The following EPHB3 variants were observed in gnomAD, a reference collection of about 807,000 sequenced individuals.
EPHB3 encodes the protein EPH receptor B3, also known as ephrin type-B receptor 3.
In EPHB3, 33 loss-of-function variants were observed where a neutral mutation model predicts 100.2. The ratio of observed to expected loss-of-function variants is 0.33; its 90% CI spans 0.25 to 0.44. The LOEUF (loss-of-function observed/expected upper bound fraction) is 0.44, where lower values mean the gene tolerates loss of function less well. Ranked by LOEUF, EPHB3 falls within the 20% of genes least tolerant of loss-of-function variation. The pLI, the probability that EPHB3 is intolerant of heterozygous loss-of-function variation, is 1.00. For missense variants in EPHB3, 1,045 were observed against 1,378.3 expected (o/e 0.76, Z 3.83); for synonymous variants, 526 against 554.7 (o/e 0.95, Z 0.73).
At position 184,578,875 on chromosome 3, in the gene EPHB3, G is replaced by A. The variant is rs546058836; in HGVS notation, c.1801+409G>A. Among the ~76,000 whole-genome samples, 4 of 152,284 alleles carry A rather than the reference G, an allele frequency of 2.6e-5. No individual in the cohort carries two copies. In the South Asian group the frequency reaches 8.3e-4, roughly 32 times the overall value. ...GGATGAGCAGGGTGTTGGGAGGTGA[G>A]GGAGAGCATTCCTGGCCAGAGGAGC... On this transcript the variant is annotated intron_variant, in intron 9 of 15. Transcript: ENST00000330394. This position sits in a 1 kb window ranked among gnomAD's most constrained non-coding sequence, Gnocchi z 4.7.
rs1423123706 is a variant in EPHB3, at chr3:184,577,216, G to A, written c.1354+33G>A. 49 of 1,574,982 alleles carry A rather than the reference G, an allele frequency of 3.1e-5. No homozygotes were observed. Among genetic ancestry groups the A allele is most frequent in the Non-Finnish European group, 4.1e-5 (47 of 1,157,616 alleles). On this transcript the variant is annotated intron_variant, in intron 5 of 15. Transcript: ENST00000330394. The surrounding 1 kb of genome is among the most constrained non-coding windows in gnomAD (Gnocchi z 4.9). Reference sequence around the variant, plus strand: ...GGGGACACTGGAGGGTAGGGCCTGGGTCACTTTCTCCTGGATGAGGTGTCC... The same window carrying A: ...GGGGACACTGGAGGGTAGGGCCTGGATCACTTTCTCCTGGATGAGGTGTCC...
intron 3 of EPHB3, 108 bp from the exon 4 acceptor site, chr3:184,575,722 G>A (rs2108438173): frequency 7.4e-7 from 1 of 1,360,240 alleles, no homozygotes; most frequent in Non-Finnish European, 9.8e-7. Context: ...CTAGGAGGTG[G>A]AGGGGCCAGA....
Position 184,573,406 on chromosome 3 carries a change from T to A in EPHB3, c.856+230T>A, listed in dbSNP as rs926795612. Among the ~76,000 whole-genome samples, 1 of 151,868 alleles carries A rather than the reference T, an allele frequency of 6.6e-6. No homozygotes were observed. The highest frequency in any genetic ancestry group is 2.4e-5 in the African/African-American group (1 of 41,336). On this transcript the variant is annotated intron_variant, in intron 3 of 15. Coordinates refer to ENST00000330394, the MANE Select transcript of EPHB3 (RefSeq NM_004443.4). This position sits in a 1 kb window ranked among gnomAD's most constrained non-coding sequence, Gnocchi z 4.5. ...AAGGATAGTAAGAGAAAAAATGACA[T>A]TAAAGAGAGAGGAAGAGAAGCATGC...
chr3:184,574,759 C>T (rs1030436476), intron 3 of EPHB3, among the ~76,000 whole-genome samples: 8 of 152,176 alleles, frequency 5.3e-5, no homozygotes, highest in South Asian at 2.1e-4. Context: ...AGCCTGACAG[C>T]CTGAAGAGGG....
In EPHB3 at chr3:184,570,000, G is replaced by GT. The variant is rs1714501140; in HGVS notation, c.119-1317dup. Among the ~76,000 whole-genome samples, 1 of 152,246 alleles carries GT rather than the reference G, an allele frequency of 6.6e-6. No individual in the cohort carries two copies. Among genetic ancestry groups the GT allele is most frequent in the Admixed American group, 6.5e-5 (1 of 15,290 alleles). On this transcript the variant is annotated intron_variant, in intron 1 of 15. Transcript: ENST00000330394. This position sits in a 1 kb window ranked among gnomAD's most constrained non-coding sequence, Gnocchi z 5.4. ...TGGGGGTCACACTGTCTTTCAGAGA[G>GT]TAGGGACATCCAGCCAGAGCGCAGA...
At position 184,577,605 on chromosome 3, in the gene EPHB3, C is replaced by T; in HGVS notation, c.1480-53C>T. On this transcript the variant is annotated intron_variant, in intron 6 of 15. Coordinates refer to ENST00000330394, the MANE Select transcript of EPHB3 (RefSeq NM_004443.4). The surrounding 1 kb of genome is among the most constrained non-coding windows in gnomAD (Gnocchi z 4.9). ...TGGCAGGCCTGGGTGTGAATAGGGG[C>T]TGGTTGGCCTCAGGACCCACCTGAG... is the stretch of plus-strand genomic sequence containing the variant. 1 of 1,569,928 alleles carries T rather than the reference C, an allele frequency of 6.4e-7. No individual in the cohort carries two copies.
In EPHB3 at chr3:184,577,379, G is replaced by T. The variant is rs1489826786; in HGVS notation, c.1391G>T (p.Ser464Ile). The T allele has an allele frequency of 1.2e-6, 2 of 1,613,738 alleles. No individual in the cohort carries two copies. Among genetic ancestry groups the T allele is most frequent in the Admixed American group, 1.7e-5 (1 of 60,008 alleles). ...GTGCCCACACTACGCCTGCACAGCA[G>T]CTCAGGCAGCAGCCTCACCCTATCC... ...SEVPTLRLHS[S>I]SGSSLTLSWA... Residue 464 changes from serine (S) to isoleucine (I), a missense_variant, in exon 6 of 16, where the codon AGC (serine) becomes ATC (isoleucine). Around this residue, in one of 2 missense-constraint regions of EPHB3, gnomAD observed 985 missense variants for 1,331.1 expected, o/e 0.74. Transcript: ENST00000330394. The surrounding 1 kb of genome is among the most constrained non-coding windows in gnomAD (Gnocchi z 4.9).
chr3:184,579,524 CCTA>C lies in EPHB3; in HGVS notation c.1850_1852del (p.Pro617_Asn618delinsHis). 6.2e-7 allele frequency: 1 copy of C among 1,613,994 alleles called. No individual in the cohort carries two copies. Among genetic ancestry groups the C allele is most frequent in the Non-Finnish European group, 8.5e-7 (1 of 1,179,988 alleles). On this transcript the variant is annotated inframe_deletion, in exon 10 of 16. Transcript: ENST00000330394. This position sits in a 1 kb window ranked among gnomAD's most constrained non-coding sequence, Gnocchi z 5.2. ...TATTGACCCTTTTACCTACGAGGAC[CCTA>C]ATGAGGCTGTTCGGGAGTTTGCCAA...
Position 184,577,038 on chromosome 3 carries a change from G to A in EPHB3, c.1209G>A (p.Leu403=), listed in dbSNP as rs748176396. ...ACGTGGAGTTTGTGCCTCGGCAGCT[G>A]GGCCTGACGGAGCGCCGGGTCCACA... is the stretch of plus-strand genomic sequence containing the variant. ...DDNVEFVPRQ[L]GLTERRVHIS... is the part of the protein sequence containing the mutation. Residue 403 remains leucine (L), a synonymous_variant, in exon 5 of 16, where the codon CTG becomes CTA. Transcript: ENST00000330394. The surrounding 1 kb of genome is among the most constrained non-coding windows in gnomAD (Gnocchi z 4.9). 10 of 1,613,804 alleles carry A rather than the reference G, an allele frequency of 6.2e-6. No homozygotes were observed. Among genetic ancestry groups the A allele is most frequent in the Non-Finnish European group, 8.5e-6 (10 of 1,180,012 alleles).
rs962529053 is a variant in EPHB3, at chr3:184,571,259, C to G, written c.119-59C>G. Reference sequence around the variant, plus strand: ...GTGAGCCACTTCGCTCATCTGTGATCTCTTCTGTCTCCTCAACCTGAGATT... The same window carrying G: ...GTGAGCCACTTCGCTCATCTGTGATGTCTTCTGTCTCCTCAACCTGAGATT... On this transcript the variant is annotated intron_variant, in intron 1 of 15. Transcript: ENST00000330394. The surrounding 1 kb of genome is among the most constrained non-coding windows in gnomAD (Gnocchi z 5.0). 3 of 1,584,370 alleles carry G rather than the reference C, an allele frequency of 1.9e-6. No homozygotes were observed. The highest frequency in any genetic ancestry group is 1.1e-5 in the South Asian group (1 of 90,358).
Position 184,563,712 on chromosome 3 carries a change from G to C in EPHB3, c.118+1359G>C, listed in dbSNP as rs148285341. Among the ~76,000 whole-genome samples the C allele has an allele frequency of 6.6e-6, 1 of 152,206 alleles. No homozygotes were observed. Among genetic ancestry groups the C allele is most frequent in the Non-Finnish European group, 1.5e-5 (1 of 68,038 alleles). ...TCACCCACATGTGTGTGATAGGATC[G>C]CAGGCGTGAGAACCCAGTGTGGGGC... On this transcript the variant is annotated intron_variant, in intron 1 of 15. Coordinates refer to ENST00000330394, the MANE Select transcript of EPHB3 (RefSeq NM_004443.4). The surrounding 1 kb of genome is among the most constrained non-coding windows in gnomAD (Gnocchi z 4.1).
In EPHB3 at chr3:184,579,964, C is replaced by T; in HGVS notation, c.2172+30C>T. 1 of 1,599,966 alleles carries T rather than the reference C, an allele frequency of 6.3e-7. No individual in the cohort carries two copies. The highest frequency in any genetic ancestry group is 8.5e-7 in the Non-Finnish European group (1 of 1,173,492). On this transcript the variant is annotated intron_variant, in intron 11 of 15. Transcript: ENST00000330394. This position sits in a 1 kb window ranked among gnomAD's most constrained non-coding sequence, Gnocchi z 5.2. ...GAGCCAGCCCCCAGGCCCTCTCCCT[C>T]CCCCAGAGAGTTGGATTGGGCTCAC... is the stretch of plus-strand genomic sequence containing the variant.
In EPHB3 at chr3:184,577,131, G is replaced by T; in HGVS notation, c.1302G>T (p.Lys434Asn). 1 of 1,611,244 alleles carries T rather than the reference G, an allele frequency of 6.2e-7. No individual in the cohort carries two copies. The highest frequency in any genetic ancestry group is 8.5e-7 in the Non-Finnish European group (1 of 1,178,294). The change falls in exon 5 of 16, where the codon AAG (lysine) becomes AAT (asparagine). Residue 434 changes from lysine to asparagine, a missense_variant. Physicochemically the swap from Lys to Asn is moderately conservative, Grantham distance 94 (BLOSUM62 0). Coordinates refer to ENST00000330394, the MANE Select transcript of EPHB3 (RefSeq NM_004443.4). The surrounding 1 kb of genome is among the most constrained non-coding windows in gnomAD (Gnocchi z 4.9). ...AGGCGGTCAACGGTGTCTCGGGCAA[G>T]AGCCCTCTGCCGCCTCGTTATGCGG... is the stretch of plus-strand genomic sequence containing the variant. The part of the protein sequence containing the change: ...EVQAVNGVSG[K>N]SPLPPRYAAV...
intron 1 of EPHB3, among the ~76,000 whole-genome samples, chr3:184,567,763 A>G (rs988638787): frequency 6.6e-6 from 1 of 152,126 alleles, no homozygotes; most frequent in Non-Finnish European, 1.5e-5. Flanking sequence ...AGCATGTGCA[A>G]TTGGGTGTGT....
At position 184,577,347 on chromosome 3, in the gene EPHB3, G is replaced by T; in HGVS notation, c.1359G>T (p.Pro453=). 2 of 1,613,490 alleles carry T rather than the reference G, an allele frequency of 1.2e-6. No individual in the cohort carries two copies. Among genetic ancestry groups the T allele is most frequent in the Non-Finnish European group, 1.7e-6 (2 of 1,179,950 alleles). The change falls in exon 6 of 16, where the codon CCG becomes CCT. Residue 453 remains proline (P), a synonymous_variant. Transcript: ENST00000330394. This position sits in a 1 kb window ranked among gnomAD's most constrained non-coding sequence, Gnocchi z 4.9. ...TGAGCCCTCTGCTCTTCCCAGCCCC[G>T]TCTGAAGTGCCCACACTACGCCTGC... is the stretch of plus-strand genomic sequence containing the variant. The part of the protein sequence containing the change: ...AVNITTNQAA[P]SEVPTLRLHS...
chr3:184,577,772 G>A lies in EPHB3; in HGVS notation c.1594G>A (p.Gly532Arg). 1.9e-6 allele frequency: 3 copies of A among 1,610,160 alleles called. No individual in the cohort carries two copies. The highest frequency in any genetic ancestry group is 1.7e-6 in the Non-Finnish European group (2 of 1,177,236). ...QVRARTVAGYGQYSRPAEFET... is the reference protein window; with the variant it reads ...QVRARTVAGYRQYSRPAEFET... ...CCGTGCCCGCACAGTAGCTGGCTATGGGCAGTACAGCCGCCCTGCCGAGTT... is the reference window on the plus strand; with the variant it reads ...CCGTGCCCGCACAGTAGCTGGCTATAGGCAGTACAGCCGCCCTGCCGAGTT... The change falls in exon 7 of 16, where the codon GGG becomes AGG. Residue 532 changes from glycine (G) to arginine (R), a missense_variant. Around this residue, in one of 2 missense-constraint regions of EPHB3, gnomAD observed 985 missense variants for 1,331.1 expected, o/e 0.74. Transcript: ENST00000330394. This position sits in a 1 kb window ranked among gnomAD's most constrained non-coding sequence, Gnocchi z 4.9.
At chr3:184,570,596 C>G (rs1378915236) in intron 1 of EPHB3, among the ~76,000 whole-genome samples, 1 of 152,244 alleles carries the variant, frequency 6.6e-6, no homozygotes, top group African/African-American at 2.4e-5. Flanking sequence ...CACTGCCCTC[C>G]CCTTCCCCTG....
In EPHB3 at chr3:184,562,374, C is replaced by T. The variant is rs1223566444; in HGVS notation, c.118+21C>T. On this transcript the variant is annotated intron_variant, in intron 1 of 15. Transcript: ENST00000330394. This position sits in a 1 kb window ranked among gnomAD's most constrained non-coding sequence, Gnocchi z 4.8. Reference sequence around the variant, plus strand: ...GGAAGGTGAGCGGCGTCGGGGGGCGCGCCCGGGAACAAGGTGCCTGGGGTC... The same window carrying T: ...GGAAGGTGAGCGGCGTCGGGGGGCGTGCCCGGGAACAAGGTGCCTGGGGTC... The T allele has an allele frequency of 4.1e-6, 5 of 1,216,346 alleles. No individual in the cohort carries two copies. Among genetic ancestry groups the T allele is most frequent in the Non-Finnish European group, 5.1e-6 (5 of 979,532 alleles). 75.3% of individuals were successfully genotyped at this position (1,216,346 alleles called of 1,614,324 possible). A position where few individuals can be genotyped will look rare whatever the true frequency, so the allele number is the denominator to read the frequency against.
chr3:184,565,769 C>T lies in EPHB3; in HGVS notation c.118+3416C>T, dbSNP rs1229567285. 6.6e-6 allele frequency among the ~76,000 whole-genome samples: 1 copy of T among 152,270 alleles called. No individual in the cohort carries two copies. The highest frequency in any genetic ancestry group is 1.5e-5 in the Non-Finnish European group (1 of 68,016). ...GGCCTTCTGAGCAGCTGCTGGGGGC[C>T]GGCAGGTATTTGGAAGAACCAGTTT... is the stretch of plus-strand genomic sequence containing the variant. On this transcript the variant is annotated intron_variant, in intron 1 of 15. Transcript: ENST00000330394. The surrounding 1 kb of genome is among the most constrained non-coding windows in gnomAD (Gnocchi z 4.8).
Sources: gnomAD v4.1 joint callset for allele counts (sites outside exome capture counted in the v4.1 genomes callset) on GRCh38, gnomAD v4.1.1 for gene constraint, gnomAD v4.1.1 regional missense constraint, Gnocchi (gnomAD v3.1) non-coding constraint, MANE v1.5 for transcripts, NCBI Gene and HGNC (gene_info 2026-07-23, HGNC 2026-07-21) for gene names.